Variants in DTNA observed in about 807,000 individuals in gnomAD.
DTNA encodes the protein dystrobrevin alpha.
Under a neutral mutation model 100.7 loss-of-function variants are expected in DTNA, and 43 were observed. The ratio of observed to expected loss-of-function variants is 0.43; its 90% CI spans 0.33 to 0.55. DTNA has a LOEUF of 0.55. DTNA is among the 20% of genes least tolerant of loss of function. The pLI, the probability that DTNA is intolerant of heterozygous loss-of-function variation, is 0.04. For synonymous variants in DTNA, 349 were observed against 347.9 expected, an observed-to-expected ratio of 1.00 and a Z score of -0.04; for missense variants, 798 against 953.9, an observed-to-expected ratio of 0.84 and a Z score of 2.15.
At chr18:34,741,498 G>A in intron 1 of DTNA, among the ~76,000 whole-genome samples, 1 of 152,094 alleles carries the variant, frequency 6.6e-6, no homozygotes, top group Non-Finnish European at 1.5e-5. Context: ...TCAGAGTGTA[G>A]CCTAGCTAAT....
intron 13 of DTNA, among the ~76,000 whole-genome samples, chr18:34,847,508 G>C (rs146510397): frequency 1.3e-5 from 2 of 152,278 alleles, no homozygotes; most frequent in Non-Finnish European, 2.9e-5. Context: ...GTTTGGCTTA[G>C]CTAAGTCCCT....
intron 13 of DTNA, among the ~76,000 whole-genome samples, chr18:34,843,184 T>C (rs1351860159): frequency 6.6e-6 from 1 of 152,144 alleles, no homozygotes; most frequent in South Asian, 2.1e-4. Context: ...AGCACTTAAA[T>C]TGAACATTTA....
At chr18:34,645,128 T>C (rs184527397) in intron 1 of DTNA, among the ~76,000 whole-genome samples, 2 of 152,220 alleles carry the variant, frequency 1.3e-5, no homozygotes, top group African/African-American at 4.8e-5. Context: ...CAACATAATG[T>C]AGTTGTTGTC....
intron 14 of DTNA, among the ~76,000 whole-genome samples, chr18:34,850,499 A>C (rs913285891): frequency 6.6e-6 from 1 of 152,240 alleles, no homozygotes; most frequent in African/African-American, 2.4e-5. Context: ...TAAAATGCAT[A>C]GACAGCTTTA....
chr18:34,854,271 A>C (rs986278009), intron 15 of DTNA, among the ~76,000 whole-genome samples: 20 of 152,250 alleles, frequency 1.3e-4, no homozygotes, highest in Middle Eastern at 3.2e-3. Context: ...AATTAGACTT[A>C]ATCCAAAGTT....
At chr18:34,621,673 G>A (rs549345670) in intron 1 of DTNA, among the ~76,000 whole-genome samples, 1 of 152,252 alleles carries the variant, frequency 6.6e-6, no homozygotes, top group African/African-American at 2.4e-5. Flanking sequence ...AAGGGCTGGG[G>A]AAGAGACTGG....
intron 1 of DTNA, among the ~76,000 whole-genome samples, chr18:34,511,995 C>G (rs571604652): frequency 2.6e-3 from 391 of 151,980 alleles, no homozygotes; most frequent in Non-Finnish European, 4.8e-3. Context: ...TGCATTTCTC[C>G]TGTGACTCTG....
In DTNA at chr18:34,744,443, T is replaced by C. The variant is rs145191759; in HGVS notation, c.-1-11533T>C. 3.8e-3 allele frequency among the ~76,000 whole-genome samples: 580 copies of C among 151,718 alleles called. 7 individuals are homozygous for C. Among genetic ancestry groups the C allele is most frequent in the African/African-American group, 0.013 (540 of 40,986 alleles). On this transcript the variant is annotated intron_variant, in intron 1 of 22. Coordinates refer to ENST00000444659, the MANE Select transcript of DTNA (RefSeq NM_001386795.1). ...TTCTTTTCCCACCATAATTTCCTGG[T>C]CTTTCTTGACCAGGAAAAAAATATC...
At chr18:34,675,457 A>G (rs185647023) in intron 1 of DTNA, among the ~76,000 whole-genome samples, 1 of 152,252 alleles carries the variant, frequency 6.6e-6, no homozygotes, top group Non-Finnish European at 1.5e-5. Flanking sequence ...TTTAGGGTGA[A>G]TAAAATAATC....
rs2096804951 is a variant in DTNA at position 34,875,417 on chromosome 18, T to C, written c.1903+19T>C. 2 of 1,613,916 alleles carry C rather than the reference T, an allele frequency of 1.2e-6. No homozygotes were observed. Among genetic ancestry groups the C allele is most frequent in the Admixed American group, 1.7e-5 (1 of 60,000 alleles). ...GCACAAAGTAAGTGGCTTTATTTTT[T>C]GTTGTGGTCTGCTTTTATGTGGCAA... On this transcript the variant is annotated intron_variant, in intron 18 of 22. Transcript: ENST00000444659.
chr18:34,758,049 G>A (rs932558273), intron 2 of DTNA, among the ~76,000 whole-genome samples: 2 of 152,198 alleles, frequency 1.3e-5, no homozygotes, highest in Non-Finnish European at 2.9e-5. Flanking sequence ...TTCAAAGGGA[G>A]CAATTGATTT....
intron 1 of DTNA, among the ~76,000 whole-genome samples, chr18:34,719,925 T>C (rs1351254756): frequency 6.6e-6 from 1 of 152,242 alleles, no homozygotes; most frequent in African/African-American, 2.4e-5. Flanking sequence ...TCTGACCTTC[T>C]GACAGAGAAT....
rs936124415 is a variant in DTNA, at chr18:34,513,008, C to A, written c.-2+19494C>A. ...GTGAATGAAGTTTGGTTGCATGAAT[C>A]TAATAATCCATGGAAAACTTTAATA... On this transcript the variant is annotated intron_variant, in intron 1 of 19. Coordinates refer to the DTNA transcript ENST00000283365. Among the ~76,000 whole-genome samples the A allele has an allele frequency of 5.3e-5, 8 of 152,162 alleles. No individual in the cohort carries two copies. The East Asian group carries it at 1.6e-3, about 29-fold the overall frequency.
At chr18:34,545,654 A>G (rs2044701344) in intron 1 of DTNA, among the ~76,000 whole-genome samples, 1 of 152,110 alleles carries the variant, frequency 6.6e-6, no homozygotes, top group Admixed American at 6.6e-5. Flanking sequence ...AATGTCAGAT[A>G]TGCAAGTTTG....
intron 1 of DTNA, among the ~76,000 whole-genome samples, chr18:34,678,533 C>T (rs2077667082): frequency 6.6e-6 from 1 of 152,162 alleles, no homozygotes; most frequent in African/African-American, 2.4e-5. Context: ...ACTTTTCCTT[C>T]ATCTTAACAT....
chr18:34,662,988 A>G (rs2075400367), intron 1 of DTNA: 2 of 152,152 alleles, frequency 1.3e-5, no homozygotes, highest in African/African-American at 4.8e-5. Context: ...ATGGTAAGTA[A>G]AACTGCTGGA....
At chr18:34,543,595 T>G (rs768729538) in intron 1 of DTNA, among the ~76,000 whole-genome samples, 32 of 152,068 alleles carry the variant, frequency 2.1e-4, no homozygotes, top group Middle Eastern at 3.2e-3. Context: ...TGTTGCCCCA[T>G]GCTGTAGCTA....
intron 1 of DTNA, among the ~76,000 whole-genome samples, chr18:34,685,542 C>G (rs1268796148): frequency 6.6e-6 from 1 of 152,098 alleles, no homozygotes; most frequent in African/African-American, 2.4e-5. Flanking sequence ...GTTACTGTAG[C>G]CTTGTAGTAT....
chr18:34,559,863 G>C (rs2046477588), intron 1 of DTNA, among the ~76,000 whole-genome samples: 1 of 152,114 alleles, frequency 6.6e-6, no homozygotes, highest in African/African-American at 2.4e-5. Flanking sequence ...CCTATACATT[G>C]TACCACAAAA....
Sources: gnomAD v4.1 joint callset for allele counts (sites outside exome capture counted in the v4.1 genomes callset) on GRCh38, gnomAD v4.1.1 for gene constraint, MANE v1.5 for transcripts, NCBI Gene and HGNC (gene_info 2026-07-23, HGNC 2026-07-21) for gene names.